The following ASNS variants were observed in gnomAD, a reference collection of about 807,000 sequenced individuals.
ASNS encodes asparagine synthetase (glutamine-hydrolyzing), also known as asparagine synthetase [glutamine-hydrolyzing].
In ASNS, 37 loss-of-function variants were observed where a neutral mutation model predicts 62.6. That is an observed-to-expected ratio of 0.59 (90% CI 0.45 to 0.78). The LOEUF (loss-of-function observed/expected upper bound fraction) is 0.78. Among genes scored for constraint, ASNS ranks in the 30% least tolerant of loss-of-function variants. The probability of loss-of-function intolerance (pLI) is 0.00; values close to 1 mark genes in which losing one functional copy is unlikely to be tolerated. For synonymous variants in ASNS, 207 were observed against 237.9 expected, an observed-to-expected ratio of 0.87 and a Z score of 1.19; for missense variants, 520 against 682.4, an observed-to-expected ratio of 0.76 and a Z score of 2.65.
At chr7:97,904,527 A>G in the ASNS span, among the ~76,000 whole-genome samples, 1 of 152,110 alleles carries the variant, frequency 6.6e-6, no homozygotes. Flanking sequence ...AGTATCACCA[A>G]GCAGGGAACA....
chr7:97,873,532 A>G (rs1792370591), upstream of ASNS, among the ~76,000 whole-genome samples: 1 of 152,222 alleles, frequency 6.6e-6, no homozygotes, highest in Non-Finnish European at 1.5e-5. Flanking sequence ...GTTGCTGGAA[A>G]GTTTTCAGTA....
At chr7:97,891,506 T>C in the ASNS span, among the ~76,000 whole-genome samples, 1 of 152,240 alleles carries the variant, frequency 6.6e-6, no homozygotes, top group African/African-American at 2.4e-5. Context: ...CAAAGTCTCA[T>C]GTGAGACAAG....
chr7:97,878,759 C>T, the ASNS span, among the ~76,000 whole-genome samples: 93 of 152,298 alleles, frequency 6.1e-4, no homozygotes, highest in African/African-American at 2.2e-3. Context: ...CATCAAGCTA[C>T]CAATCACTTT....
rs760440838 is a variant in ASNS at position 97,852,271 on chromosome 7, A to G, written c.1674T>C (p.Ala558=). ...GCATAAAGACCACCTAAGCTTTGAC[A>G]GCTGACTTGTAGTGGGTCAGCGTGC... ...SARTLTHYKS[A]VKA The change falls in exon 13 of 13, where the codon GCT becomes GCC. Residue 558 remains alanine, a synonymous_variant. Transcript: ENST00000394308. The G allele has an allele frequency of 3.2e-5, 51 of 1,614,018 alleles. No homozygotes were observed. The highest frequency in any genetic ancestry group is 3.9e-5 in the Non-Finnish European group (46 of 1,180,036).
chr7:97,854,760 G>C, intron 9 of ASNS, 80 bp from the exon 10 acceptor site: 1 of 1,594,812 alleles, frequency 6.3e-7, no homozygotes, highest in Non-Finnish European at 8.5e-7. Flanking sequence ...CAATCCTAAA[G>C]GTGGATAAGA....
At chr7:97,880,563 T>C in the ASNS span, among the ~76,000 whole-genome samples, 1 of 152,164 alleles carries the variant, frequency 6.6e-6, no homozygotes, top group Non-Finnish European at 1.5e-5. Flanking sequence ...TGTTTCAATA[T>C]GTACAGTCCT....
At chr7:97,877,095 C>CT (rs55853302), upstream of ASNS, among the ~76,000 whole-genome samples, 189 of 120,442 alleles carry the variant, frequency 1.6e-3, no homozygotes, top group Middle Eastern at 4.3e-3. Flanking sequence ...CATTTAACTT[C>CT]TTTTTTTTTT....
chr7:97,899,211 A>T, the ASNS span: 56 of 218,266 alleles, frequency 2.6e-4, no homozygotes, highest in African/African-American at 1.3e-3. Context: ...TAAACTCCTG[A>T]TGTCAGGTGA....
the ASNS span, among the ~76,000 whole-genome samples, chr7:97,927,071 CTTTT>C: frequency 9.1e-4 from 37 of 40,472 alleles, no homozygotes; most frequent in Non-Finnish European, 1.2e-3. Flanking sequence ...CCACACCTGG[CTTTT>C]TTTTTTTTTT....
chr7:97,916,479 G>C, the ASNS span, among the ~76,000 whole-genome samples: 4 of 152,212 alleles, frequency 2.6e-5, no homozygotes, highest in African/African-American at 9.6e-5. Flanking sequence ...GAGTCTTTCA[G>C]ATGAAAATTA....
Position 97,859,319 on chromosome 7 carries a change from A to G in ASNS, c.567T>C (p.Asp189=), listed in dbSNP as rs765451992. ...PFLPGHYEVL[D]LKPNGKVASV... is the part of the protein sequence containing the mutation. ...ATGCAACTTTGCCATTTGGCTTTAA[A>G]TCCAAAACTTCATAGTGTCCAGGAA... is the stretch of plus-strand genomic sequence containing the variant. Residue 189 remains aspartate, a synonymous_variant, in exon 5 of 13, where the codon GAT becomes GAC. Coordinates refer to ENST00000394308, the MANE Select transcript of ASNS (RefSeq NM_001673.5). The G allele has an allele frequency of 6.2e-7, 1 of 1,614,166 alleles. No individual in the cohort carries two copies. The highest frequency in any genetic ancestry group is 1.7e-5 in the Admixed American group (1 of 60,028).
At chr7:97,854,946 C>T in intron 9 of ASNS, 1 of 464,552 alleles carries the variant, frequency 2.2e-6, no homozygotes, top group Non-Finnish European at 3.7e-6. Context: ...GATTCTCAAG[C>T]TTAAGTAGTT....
rs1257912791 is a variant in ASNS at position 97,864,549 on chromosome 7, T to C, written c.250-53A>G. 2.4e-6 allele frequency: 3 copies of C among 1,242,046 alleles called. No individual in the cohort carries two copies. In the East Asian group the frequency reaches 7.0e-5, roughly 29 times the overall value. The allele number at this position is 1,242,046 out of a possible 1,614,324, so 76.9% of individuals were successfully genotyped here. ...GTTAGACTCCTTGTACATTCACTAA[T>C]AATTTTTTATTGCAAAGATGCTTCA... On this transcript the variant is annotated intron_variant, in intron 3 of 12. Coordinates refer to ENST00000394308, the MANE Select transcript of ASNS (RefSeq NM_001673.5).
At chr7:97,887,694 C>T in the ASNS span, among the ~76,000 whole-genome samples, 1 of 152,184 alleles carries the variant, frequency 6.6e-6, no homozygotes. Flanking sequence ...TTGACCAATC[C>T]TCAGCTGACC....
chr7:97,926,656 G>A, the ASNS span, among the ~76,000 whole-genome samples: 4 of 152,126 alleles, frequency 2.6e-5, no homozygotes, highest in Admixed American at 2.6e-4. Flanking sequence ...TTTTCAAGGG[G>A]CCGCCAGACT....
At chr7:97,910,085 G>A in the ASNS span, among the ~76,000 whole-genome samples, 1 of 152,162 alleles carries the variant, frequency 6.6e-6, no homozygotes, top group Non-Finnish European at 1.5e-5. Context: ...AGCCCAACTT[G>A]AAGTTTCAGC....
the ASNS span, among the ~76,000 whole-genome samples, chr7:97,925,775 G>A: frequency 2.0e-5 from 3 of 152,130 alleles, no homozygotes; most frequent in South Asian, 2.1e-4. Flanking sequence ...TTGAATGCTC[G>A]GTTCTGCCTG....
upstream of ASNS, among the ~76,000 whole-genome samples, chr7:97,875,681 A>G (rs1467275984): frequency 2.6e-5 from 4 of 152,198 alleles, no homozygotes; most frequent in Admixed American, 2.0e-4. Flanking sequence ...CGGATCACAG[A>G]GTCATGAGCA....
At chr7:97,919,713 T>C in the ASNS span, among the ~76,000 whole-genome samples, 8 of 151,822 alleles carry the variant, frequency 5.3e-5, no homozygotes, top group African/African-American at 1.9e-4. Context: ...CAGTCAGGGG[T>C]GGCAGGAGGA....
Sources: gnomAD v4.1 joint callset for allele counts (sites outside exome capture counted in the v4.1 genomes callset) on GRCh38, gnomAD v4.1.1 for gene constraint, MANE v1.5 for transcripts, NCBI Gene and HGNC (gene_info 2026-07-23, HGNC 2026-07-21) for gene names.